Variants in ZBBX observed in about 807,000 individuals in gnomAD.
The protein encoded by ZBBX is zinc finger B-box domain containing.
ZBBX carries 101 observed loss-of-function variants against 108.5 expected under a neutral mutation model. That is an observed-to-expected ratio of 0.93 (90% confidence interval 0.79 to 1.10). ZBBX has a LOEUF of 1.10. Among genes scored for constraint, ZBBX ranks in the 50% least tolerant of loss-of-function variants. ZBBX has a pLI of 0.00. For missense variants in ZBBX, 1,009 were observed against 941.4 expected, an observed-to-expected ratio of 1.07 and a Z score of -0.94; for synonymous variants, 356 against 323.4, an observed-to-expected ratio of 1.10 and a Z score of -1.08.
the ZBBX span, among the ~76,000 whole-genome samples, chr3:167,200,182 C>T: frequency 6.6e-6 from 1 of 151,974 alleles, no homozygotes; most frequent in Non-Finnish European, 1.5e-5. Flanking sequence ...AGACCCATTT[C>T]CAAATAAGGG....
chr3:167,185,414 GT>G, the ZBBX span, among the ~76,000 whole-genome samples: 2 of 152,056 alleles, frequency 1.3e-5, no homozygotes, highest in African/African-American at 4.8e-5. Flanking sequence ...TGGAACTTTT[GT>G]GATATTTCAT....
intron 20 of ZBBX, among the ~76,000 whole-genome samples, chr3:167,253,952 G>C (rs933272661): frequency 6.6e-6 from 1 of 152,074 alleles, no homozygotes; most frequent in Non-Finnish European, 1.5e-5. Context: ...CTCAAAGATG[G>C]AGCAACAACA....
chr3:167,358,935 CAAAAAAAAAA>C (rs59753251), intron 8 of ZBBX, among the ~76,000 whole-genome samples: 3 of 66,240 alleles, frequency 4.5e-5, no homozygotes, highest in South Asian at 7.9e-4. Context: ...GACTCCATCT[CAAAAAAAAAA>C]AAAAAAAAAA....
In ZBBX at chr3:167,368,569, G is replaced by A; in HGVS notation, c.74C>T (p.Ala25Val). The A allele has an allele frequency of 6.2e-7, 1 of 1,605,536 alleles. No individual in the cohort carries two copies. Among genetic ancestry groups the A allele is most frequent in the East Asian group, 2.3e-5 (1 of 44,310 alleles). ...GNSVKLKYRN[A>V]QELRMEKVQL... ...TACTTTCTCCATTCGCAGTTCTTGA[G>A]CATTTCTGAAGACATAAGATTTAAA... is the stretch of plus-strand genomic sequence containing the variant. The change falls in exon 5 of 22, where the codon GCT becomes GTT. Residue 25 changes from alanine (A) to valine (V), a missense_variant. Physicochemically the swap from Ala to Val is moderately conservative, Grantham distance 64. Coordinates refer to ENST00000675490, the MANE Select transcript of ZBBX (RefSeq NM_001199201.2).
At chr3:167,404,989 AG>A (rs1365175122) in intron 1 of ZBBX, among the ~76,000 whole-genome samples, 7 of 152,328 alleles carry the variant, frequency 4.6e-5, no homozygotes, top group African/African-American at 1.4e-4. Context: ...CTGGTCACTT[AG>A]ATGTCTGATA....
chr3:167,403,730 T>C (rs1249881680), intron 1 of ZBBX, among the ~76,000 whole-genome samples: 1 of 152,088 alleles, frequency 6.6e-6, no homozygotes, highest in Non-Finnish European at 1.5e-5. Context: ...GTATAGAATA[T>C]GGTAGGTTAA....
At chr3:167,218,493 G>A in the ZBBX span, among the ~76,000 whole-genome samples, 2 of 152,026 alleles carry the variant, frequency 1.3e-5, no homozygotes, top group African/African-American at 4.8e-5. Flanking sequence ...GCCTTAAAGT[G>A]TAAAGTTTTT....
At chr3:167,380,483 A>C (rs1747629487), upstream of ZBBX, 1 of 152,212 alleles carries the variant, frequency 6.6e-6, no homozygotes, top group African/African-American at 2.4e-5. Flanking sequence ...GCTTTCCGCC[A>C]GAGAGGATCT....
chr3:167,359,981 T>C lies in ZBBX; in HGVS notation c.323-2A>G. 2 of 1,535,088 alleles carry C rather than the reference T, an allele frequency of 1.3e-6. No individual in the cohort carries two copies. The highest frequency in any genetic ancestry group is 1.8e-6 in the Non-Finnish European group (2 of 1,126,890). Reference sequence around the variant, plus strand: ...AATTAACTGTTGGTTTCACTGGCTCTGCAAGATAAAAAATAATATTACTCC... The same window carrying C: ...AATTAACTGTTGGTTTCACTGGCTCCGCAAGATAAAAAATAATATTACTCC... On this transcript the variant is annotated splice_acceptor_variant, in intron 7 of 21. Coordinates refer to ENST00000675490, the MANE Select transcript of ZBBX (RefSeq NM_001199201.2). LOFTEE classifies it high-confidence loss of function.
intron 17 of ZBBX, among the ~76,000 whole-genome samples, chr3:167,304,956 C>T (rs1175457640): frequency 6.6e-6 from 1 of 152,062 alleles, no homozygotes. Flanking sequence ...TTTTGCTTCC[C>T]TCTTCAGGAA....
intron 20 of ZBBX, among the ~76,000 whole-genome samples, chr3:167,278,265 G>T (rs1282416199): frequency 6.7e-6 from 1 of 149,216 alleles, no homozygotes; most frequent in African/African-American, 2.5e-5. Context: ...AGAAATGAAG[G>T]AAATAGAGAC....
chr3:167,275,196 C>A lies in ZBBX; in HGVS notation c.2254+7042G>T, dbSNP rs150222705. Reference sequence around the variant, plus strand: ...TTTTATCATGTTCCTTCAATCTGTTCATTCTACTAAATATATATTCTTCTA... The same window carrying A: ...TTTTATCATGTTCCTTCAATCTGTTAATTCTACTAAATATATATTCTTCTA... On this transcript the variant is annotated intron_variant, in intron 20 of 21. Transcript: ENST00000675490. Among the ~76,000 whole-genome samples the A allele has an allele frequency of 2.0e-5, 3 of 152,198 alleles. No homozygotes were observed. The East Asian group carries it at 5.8e-4, about 29-fold the overall frequency.
chr3:167,308,952 T>C (rs1434001424), intron 16 of ZBBX, among the ~76,000 whole-genome samples: 4 of 151,976 alleles, frequency 2.6e-5, no homozygotes, highest in African/African-American at 4.8e-5. Context: ...AACTTAAAAG[T>C]TAAAAAAAGG....
chr3:167,238,363 G>C (rs1336930464), downstream of ZBBX, among the ~76,000 whole-genome samples: 8 of 151,908 alleles, frequency 5.3e-5, no homozygotes, highest in Admixed American at 1.3e-4. Context: ...TATATCTTTT[G>C]CAACATTTTA....
chr3:167,217,786 A>G, the ZBBX span, among the ~76,000 whole-genome samples: 6 of 152,202 alleles, frequency 3.9e-5, no homozygotes, highest in Non-Finnish European at 7.3e-5. Flanking sequence ...GTAGCCATAA[A>G]AAGAACGAGA....
chr3:167,338,470 T>C (rs895031418), intron 9 of ZBBX, among the ~76,000 whole-genome samples: 1 of 151,982 alleles, frequency 6.6e-6, no homozygotes, highest in Admixed American at 6.6e-5. Flanking sequence ...AAACTCTGGC[T>C]ATCCAGCAAT....
chr3:167,347,456 T>C (rs925596341), intron 9 of ZBBX, among the ~76,000 whole-genome samples: 13 of 151,970 alleles, frequency 8.6e-5, no homozygotes, highest in African/African-American at 2.9e-4. Flanking sequence ...TGGAGGACAT[T>C]ACAGTAAATG....
chr3:167,297,077 C>T (rs1229731880), intron 18 of ZBBX, among the ~76,000 whole-genome samples: 1 of 151,982 alleles, frequency 6.6e-6, no homozygotes, highest in Non-Finnish European at 1.5e-5. Context: ...TCCTCCCTCA[C>T]ATATACAATC....
the ZBBX span, among the ~76,000 whole-genome samples, chr3:167,207,543 A>G: frequency 6.6e-6 from 1 of 152,192 alleles, no homozygotes; most frequent in Non-Finnish European, 1.5e-5. Flanking sequence ...AATGTGGTGT[A>G]TATATACACA....
Sources: gnomAD v4.1 joint callset for allele counts (sites outside exome capture counted in the v4.1 genomes callset) on GRCh38, gnomAD v4.1.1 for gene constraint, MANE v1.5 for transcripts, NCBI Gene and HGNC (gene_info 2026-07-23, HGNC 2026-07-21) for gene names.